The following PXMP4 variants were observed in gnomAD, a reference collection of about 807,000 sequenced individuals.
PXMP4 encodes the protein peroxisomal membrane protein 4, also known as 24 kDa peroxisomal intrinsic membrane protein.
A neutral mutation model predicts 21.6 loss-of-function variants in PXMP4; 16 were observed. That is an observed-to-expected ratio of 0.74 (90% CI 0.50 to 1.13). The LOEUF (loss-of-function observed/expected upper bound fraction) is 1.13. PXMP4 is among the 50% of genes most tolerant of loss of function. The pLI, the probability that PXMP4 is intolerant of heterozygous loss-of-function variation, is 0.00. For synonymous variants in PXMP4, 127 were observed against 123.8 expected, an observed-to-expected ratio of 1.03 and a Z score of -0.17; for missense variants, 240 against 277.7, an observed-to-expected ratio of 0.86 and a Z score of 0.96.
Position 33,710,563 on chromosome 20 carries a change from T to G in PXMP4, c.367A>C (p.Asn123His). The stretch of plus-strand genomic sequence containing the variant: ...CTCGGGAGGATCTTTACCTGGCTGT[T>G]GATGTTATTGTTTTCTCCAAACACC... ...ILVFGENNNI[N>H]SQINMYLLSR... is the part of the protein sequence containing the mutation. The change falls in exon 3 of 4, where the codon AAC becomes CAC. Residue 123 changes from asparagine to histidine, a missense_variant. Coordinates refer to ENST00000409299, the MANE Select transcript of PXMP4 (RefSeq NM_007238.5). 1.3e-6 allele frequency: 2 copies of G among 1,595,606 alleles called. No homozygotes were observed. The highest frequency in any genetic ancestry group is 1.7e-6 in the Non-Finnish European group (2 of 1,168,692).
Position 33,707,468 on chromosome 20 carries a change from A to G in PXMP4, c.*238T>C. On this transcript the variant is annotated 3_prime_UTR_variant, in exon 4 of 4. Transcript: ENST00000409299. Reference sequence around the variant, plus strand: ...GTAGTGTGGCTGGCCCCAGTCTCACAGAAGTCAGCTGCACAGCTGGAACCA... The same window carrying G: ...GTAGTGTGGCTGGCCCCAGTCTCACGGAAGTCAGCTGCACAGCTGGAACCA... 1.8e-6 allele frequency: 1 copy of G among 541,526 alleles called. No homozygotes were observed. The highest frequency in any genetic ancestry group is 3.2e-6 in the Non-Finnish European group (1 of 312,942). 33.5% of individuals were successfully genotyped at this position (541,526 alleles called of 1,614,324 possible). A position where few individuals can be genotyped will look rare whatever the true frequency, so the allele number is the denominator to read the frequency against.
intron 3 of PXMP4, among the ~76,000 whole-genome samples, chr20:33,709,589 C>A (rs2018299700): frequency 6.6e-6 from 1 of 151,992 alleles, no homozygotes; most frequent in African/African-American, 2.4e-5. Flanking sequence ...AAGTGACCTT[C>A]CCAAGGTCAC....
chr20:33,717,128 AG>A (rs1377117963), intron 1 of PXMP4, among the ~76,000 whole-genome samples: 1 of 152,150 alleles, frequency 6.6e-6, no homozygotes, highest in Non-Finnish European at 1.5e-5. Context: ...CAGCGAGTTA[AG>A]ATCGTGCCAC....
At position 33,707,497 on chromosome 20, in the gene PXMP4, C is replaced by T. The variant is rs1002499855; in HGVS notation, c.*209G>A. On this transcript the variant is annotated 3_prime_UTR_variant, in exon 4 of 4. Coordinates refer to ENST00000409299, the MANE Select transcript of PXMP4 (RefSeq NM_007238.5). Reference sequence around the variant, plus strand: ...GTCAGCTGCACAGCTGGAACCAAGCCGTAGATTCCTCAGCCTGATTCGGCC... The same window carrying T: ...GTCAGCTGCACAGCTGGAACCAAGCTGTAGATTCCTCAGCCTGATTCGGCC... The T allele has an allele frequency of 1.6e-5, 11 of 669,802 alleles. No homozygotes were observed. The highest frequency in any genetic ancestry group is 6.2e-5 in the East Asian group (2 of 32,234). 41.5% of individuals were successfully genotyped at this position (669,802 alleles called of 1,614,324 possible).
At chr20:33,712,157 G>C (rs983981965) in intron 2 of PXMP4, among the ~76,000 whole-genome samples, 3 of 152,128 alleles carry the variant, frequency 2.0e-5, no homozygotes, top group Non-Finnish European at 4.4e-5. Context: ...ACAGCCGGGA[G>C]CAGATGGCTC....
chr20:33,714,390 G>A (rs553199770), intron 2 of PXMP4, among the ~76,000 whole-genome samples: 1 of 152,130 alleles, frequency 6.6e-6, no homozygotes, highest in South Asian at 2.1e-4. Flanking sequence ...GTGGTGGTGG[G>A]TGCCTATAGT....
chr20:33,708,822 C>G (rs1288343156), intron 3 of PXMP4, among the ~76,000 whole-genome samples: 2 of 152,078 alleles, frequency 1.3e-5, no homozygotes, highest in African/African-American at 4.8e-5. Flanking sequence ...TCCCAAGCAG[C>G]TGAGACTACA....
At position 33,703,982 on chromosome 20, in the gene PXMP4, GC is replaced by G. The variant is rs1205329559; in HGVS notation, c.*3723del. The G allele has an allele frequency of 6.6e-6, 1 of 152,318 alleles. No homozygotes were observed. Among genetic ancestry groups the G allele is most frequent in the African/African-American group, 2.4e-5 (1 of 41,434 alleles). The allele number at this position is 152,318 out of a possible 1,614,324, so 9.4% of individuals were successfully genotyped here. On this transcript the variant is annotated 3_prime_UTR_variant, in exon 4 of 4. Transcript: ENST00000409299. Reference sequence around the variant, plus strand: ...TAAAACCTGCCTGGTGATGGCCCAAGCCCTCTGCCCTCCCCAACCCCTAGAG... The same window carrying G: ...TAAAACCTGCCTGGTGATGGCCCAAGCCTCTGCCCTCCCCAACCCCTAGAG...
chr20:33,711,342 G>T lies in PXMP4; in HGVS notation c.177-589C>A, dbSNP rs1249205855. On this transcript the variant is annotated intron_variant, in intron 2 of 3. Coordinates refer to ENST00000409299, the MANE Select transcript of PXMP4 (RefSeq NM_007238.5). ...GCGCTGGGATCTTCCCGATGAGGAGGTCAAGAGGGGAGGAGAGCCACATCC... is the reference window on the plus strand; with the variant it reads ...GCGCTGGGATCTTCCCGATGAGGAGTTCAAGAGGGGAGGAGAGCCACATCC... Among the ~76,000 whole-genome samples, 6 of 152,268 alleles carry T rather than the reference G, an allele frequency of 3.9e-5. 1 individual carries two copies. The highest frequency in any genetic ancestry group is 1.3e-4 in the Admixed American group (2 of 15,284).
intron 2 of PXMP4, among the ~76,000 whole-genome samples, chr20:33,714,410 TCAGGAGACTGAAG>T (rs2018362305): frequency 6.6e-6 from 1 of 151,908 alleles, no homozygotes; most frequent in Admixed American, 6.6e-5. Flanking sequence ...TCCCAGCTAC[TCAGGAGACTGAAG>T]CAGGAGAATC....
chr20:33,713,492 T>C (rs1012511293), intron 2 of PXMP4, among the ~76,000 whole-genome samples: 2 of 152,196 alleles, frequency 1.3e-5, no homozygotes, highest in African/African-American at 4.8e-5. Context: ...TAATTTTGCT[T>C]TTCCATAACC....
chr20:33,706,173 GCCTC>G lies in PXMP4; in HGVS notation c.*1529_*1532del, dbSNP rs1311528652. 2.0e-5 allele frequency: 3 copies of G among 151,984 alleles called. No individual in the cohort carries two copies. The highest frequency in any genetic ancestry group is 2.9e-5 in the Non-Finnish European group (2 of 68,026). 9.4% of individuals were successfully genotyped at this position (151,984 alleles called of 1,614,324 possible). On this transcript the variant is annotated 3_prime_UTR_variant, in exon 4 of 4. Coordinates refer to ENST00000409299, the MANE Select transcript of PXMP4 (RefSeq NM_007238.5). ...ACTCCTGATCTCAGGTTATCTGCCTGCCTCAGCCTCCCAAAGTGCTGGGATTACA... is the reference window on the plus strand; with the variant it reads ...ACTCCTGATCTCAGGTTATCTGCCTGAGCCTCCCAAAGTGCTGGGATTACA...
Position 33,703,840 on chromosome 20 carries a change from GA to G in PXMP4, c.*3865del, listed in dbSNP as rs1458635934. ...AGAGGCTGGCAAAGGAGGCACCAGT[GA>G]CAAGCTAGAGTCCTCAGGCAGAAAG... On this transcript the variant is annotated 3_prime_UTR_variant, in exon 4 of 4. Coordinates refer to ENST00000409299, the MANE Select transcript of PXMP4 (RefSeq NM_007238.5). 1 of 152,354 alleles carries G rather than the reference GA, an allele frequency of 6.6e-6. No individual in the cohort carries two copies. The highest frequency in any genetic ancestry group is 2.4e-5 in the African/African-American group (1 of 41,450). 9.4% of individuals were successfully genotyped at this position (152,354 alleles called of 1,614,324 possible).
At chr20:33,717,822 G>A (rs2018400209) in intron 1 of PXMP4, among the ~76,000 whole-genome samples, 1 of 151,818 alleles carries the variant, frequency 6.6e-6, no homozygotes, top group African/African-American at 2.4e-5. Flanking sequence ...CAGATGAATA[G>A]TAGAAAGACA....
chr20:33,718,286 C>T (rs949264916), intron 1 of PXMP4, among the ~76,000 whole-genome samples: 10 of 151,862 alleles, frequency 6.6e-5, no homozygotes, highest in Non-Finnish European at 7.4e-5. Flanking sequence ...CGAGACAGGC[C>T]GATCACGAGG....
chr20:33,710,836 C>G (rs576599320), intron 2 of PXMP4, 83 bp from the exon 3 acceptor site: 24 of 1,343,458 alleles, frequency 1.8e-5, no homozygotes, highest in Admixed American at 2.7e-5. Context: ...GCCTAACAAC[C>G]AGCCAAGGAG....
At chr20:33,715,049 T>G (rs1245022258) in intron 1 of PXMP4, among the ~76,000 whole-genome samples, 8 of 152,222 alleles carry the variant, frequency 5.3e-5, no homozygotes, top group East Asian at 1.9e-4. Context: ...ACTGCAGCCC[T>G]GAACTCCTGG....
chr20:33,708,736 G>A (rs184303191), intron 3 of PXMP4, among the ~76,000 whole-genome samples: 6 of 151,030 alleles, frequency 4.0e-5, no homozygotes, highest in African/African-American at 4.9e-5. Flanking sequence ...TGTCACCCTG[G>A]CTGGAGTGCA....
At chr20:33,716,719 A>G (rs551176836) in intron 1 of PXMP4, among the ~76,000 whole-genome samples, 1 of 152,198 alleles carries the variant, frequency 6.6e-6, no homozygotes, top group Non-Finnish European at 1.5e-5. Flanking sequence ...TTGATAAATA[A>G]CTGTTGACTG....
Sources: gnomAD v4.1 joint callset for allele counts (sites outside exome capture counted in the v4.1 genomes callset) on GRCh38, gnomAD v4.1.1 for gene constraint, MANE v1.5 for transcripts, NCBI Gene and HGNC (gene_info 2026-07-23, HGNC 2026-07-21) for gene names.